Variants in PKHD1 observed in about 807,000 individuals in gnomAD.
PKHD1 encodes fibrocystin.
In PKHD1, 291 loss-of-function variants were observed where a neutral mutation model predicts 412.0. The observed-to-expected ratio is 0.71, with a 90% CI of 0.64 to 0.78. PKHD1 has a LOEUF of 0.78. Ranked by LOEUF, PKHD1 falls within the 30% of genes least tolerant of loss-of-function variation. PKHD1 has a pLI of 0.00. For missense variants in PKHD1, 4,825 were observed against 4,950.7 expected (o/e 0.97, Z 0.76); for synonymous variants, 1,777 against 1,821.5 (o/e 0.98, Z 0.62).
In PKHD1 at chr6:51,868,009, C is replaced by A. The variant is rs12210295; in HGVS notation, c.7587G>T (p.Gly2529=). 2.5e-6 allele frequency: 4 copies of A among 1,612,648 alleles called. No individual in the cohort carries two copies. Among genetic ancestry groups the A allele is most frequent in the Non-Finnish European group, 3.4e-6 (4 of 1,179,032 alleles). ...GACTTCTGTTTTTCCCAGACAGAGA[C>A]CCATCCAAGTCTTCCAAAATTGCTG... ...PHAAILEDLD[G]SLSGKNRSHI... is the part of the protein sequence containing the mutation. The change falls in exon 48 of 67, where the codon GGG becomes GGT. Residue 2529 remains glycine, a synonymous_variant. Transcript: ENST00000371117.
intron 60 of PKHD1, among the ~76,000 whole-genome samples, chr6:51,671,780 G>T (rs1434960959): frequency 6.6e-6 from 1 of 152,132 alleles, no homozygotes; most frequent in African/African-American, 2.4e-5. Flanking sequence ...AGGACCCTCA[G>T]CTGCAGGTCT....
At chr6:51,660,977 G>T (rs1366142109) in intron 60 of PKHD1, among the ~76,000 whole-genome samples, 1 of 152,236 alleles carries the variant, frequency 6.6e-6, no homozygotes, top group Non-Finnish European at 1.5e-5. Flanking sequence ...TCACGTGATT[G>T]GTTCCCCTGG....
In PKHD1 at chr6:51,959,903, T is replaced by TA; in HGVS notation, c.5874dup (p.Asn1959Ter). The TA allele has an allele frequency of 6.2e-7, 1 of 1,613,554 alleles. No individual in the cohort carries two copies. Among genetic ancestry groups the TA allele is most frequent in the Non-Finnish European group, 8.5e-7 (1 of 1,179,596 alleles). On this transcript the variant is annotated frameshift_variant, in exon 36 of 67. Transcript: ENST00000371117. LOFTEE classifies it high-confidence loss of function. ...TGCAGTAAGTTGAGGATGCTTGTGT[T>TA]AGTGTCCAGCAGAAGCAATTGGCCA...
In PKHD1 at chr6:52,045,051, G is replaced by A. The variant is rs771116769; in HGVS notation, c.2630C>T (p.Ala877Val). The A allele has an allele frequency of 5.6e-6, 9 of 1,612,882 alleles. No homozygotes were observed. Among genetic ancestry groups the A allele is most frequent in the East Asian group, 2.2e-5 (1 of 44,860 alleles). ...ACCATCATATACCACACGCGTGGCT[G>A]CAGCAGGATTCACTCCAGTAAGGTT... Reference protein sequence around the residue: ...DENLTGVNPAAATRVVYDGGV... With the variant: ...DENLTGVNPAVATRVVYDGGV... The change falls in exon 25 of 67, where the codon GCA (alanine) becomes GTA (valine). Residue 877 changes from alanine to valine, a missense_variant. Physicochemically the swap from Ala to Val is moderately conservative, Grantham distance 64. Coordinates refer to ENST00000371117, the MANE Select transcript of PKHD1 (RefSeq NM_138694.4).
intron 63 of PKHD1, among the ~76,000 whole-genome samples, chr6:51,646,000 G>A (rs1770037062): frequency 6.6e-6 from 1 of 151,986 alleles, no homozygotes; most frequent in Non-Finnish European, 1.5e-5. Context: ...TGAATTCTTG[G>A]GACACTTTTT....
chr6:51,765,746 T>C (rs1474774112), intron 55 of PKHD1, among the ~76,000 whole-genome samples: 1 of 152,142 alleles, frequency 6.6e-6, no homozygotes, highest in Admixed American at 6.6e-5. Context: ...TCAACTAAGA[T>C]CTGAGCTCCC....
chr6:51,721,342 A>G, intron 60 of PKHD1: 1 of 609,066 alleles, frequency 1.6e-6, no homozygotes, highest in Non-Finnish European at 2.0e-6. Context: ...TATTAGTATT[A>G]GTATATTATT....
At chr6:52,073,357 A>G in intron 7 of PKHD1, 106 bp downstream of exon 7, 1 of 816,570 alleles carries the variant, frequency 1.2e-6, no homozygotes, top group Non-Finnish European at 2.2e-6. Context: ...GAAAATAGCA[A>G]TTCTGTGCCA....
chr6:51,768,311 G>T (rs1789483423), intron 55 of PKHD1, among the ~76,000 whole-genome samples: 1 of 151,974 alleles, frequency 6.6e-6, no homozygotes, highest in Non-Finnish European at 1.5e-5. Flanking sequence ...TTAGACCTGT[G>T]ATTCAAGTTG....
At chr6:51,893,559 T>C (rs771841074) in intron 43 of PKHD1, among the ~76,000 whole-genome samples, 2 of 152,210 alleles carry the variant, frequency 1.3e-5, no homozygotes, top group Admixed American at 6.5e-5. Context: ...AAATGATTCA[T>C]GAGGAAAAAC....
intron 45 of PKHD1, among the ~76,000 whole-genome samples, chr6:51,885,560 G>C (rs1210557254): frequency 6.6e-6 from 1 of 152,090 alleles, no homozygotes; most frequent in African/African-American, 2.4e-5. Context: ...GAAGGAATAG[G>C]GAACCTCTGT....
In PKHD1 at chr6:51,906,331, A is replaced by G; in HGVS notation, c.6692T>C (p.Ile2231Thr). ...TLVGAMRESF[I>T]QGCTVRNSFS... Reference sequence around the variant, plus strand: ...GGAGTTCCTCACTGTGCAGCCCTGTATGAAAGACTCTGAATAGGAAAGAGT... The same window carrying G: ...GGAGTTCCTCACTGTGCAGCCCTGTGTGAAAGACTCTGAATAGGAAAGAGT... The change falls in exon 41 of 67, where the codon ATA (isoleucine) becomes ACA (threonine). Residue 2231 changes from isoleucine to threonine, a missense_variant. Physicochemically the swap from Ile to Thr is moderately conservative, Grantham distance 89. Coordinates refer to ENST00000371117, the MANE Select transcript of PKHD1 (RefSeq NM_138694.4). The G allele has an allele frequency of 1.2e-6, 2 of 1,611,524 alleles. No individual in the cohort carries two copies. The highest frequency in any genetic ancestry group is 1.7e-6 in the Non-Finnish European group (2 of 1,177,910).
chr6:52,086,902 G>A (rs1207796047), intron 1 of PKHD1, among the ~76,000 whole-genome samples: 1 of 152,182 alleles, frequency 6.6e-6, no homozygotes, highest in Admixed American at 6.5e-5. Context: ...TAGTCCAAAA[G>A]CATGAGATCT....
chr6:51,912,317 A>T, intron 38 of PKHD1, 49 bp downstream of exon 38: 1 of 1,167,642 alleles, frequency 8.6e-7, no homozygotes, highest in Non-Finnish European at 1.3e-6. Context: ...CAATACAGTT[A>T]AGATCTCATC....
intron 35 of PKHD1, among the ~76,000 whole-genome samples, chr6:51,980,186 C>G (rs1039557302): frequency 5.3e-5 from 8 of 152,122 alleles, no homozygotes; most frequent in African/African-American, 9.7e-5. Flanking sequence ...TCAGTGACAC[C>G]AAAATGCTTT....
chr6:51,845,346 A>G (rs1490172084), intron 50 of PKHD1, among the ~76,000 whole-genome samples: 1 of 152,228 alleles, frequency 6.6e-6, no homozygotes, highest in Non-Finnish European at 1.5e-5. Context: ...TCATACCATC[A>G]CTGTGACAGC....
chr6:51,654,177 T>G (rs1049557113), intron 61 of PKHD1, among the ~76,000 whole-genome samples: 1 of 152,158 alleles, frequency 6.6e-6, no homozygotes, highest in East Asian at 1.9e-4. Context: ...AATATAATCA[T>G]AAGTCGAAAC....
Position 52,025,029 on chromosome 6 carries a change from T to A in PKHD1, c.4781A>T (p.Glu1594Val), listed in dbSNP as rs1285408225. ...SLHGGSLLTIEGTGLRGQNTT... is the reference protein window; with the variant it reads ...SLHGGSLLTIVGTGLRGQNTT... ...GTTCTGTCCTCTCAGGCCTGTGCCC[T>A]CTATGGTCAAGAGGCTTCCACCATG... The change falls in exon 32 of 67, where the codon GAG becomes GTG. Residue 1594 changes from glutamate (E) to valine (V), a missense_variant. Coordinates refer to ENST00000371117, the MANE Select transcript of PKHD1 (RefSeq NM_138694.4). 3 of 1,614,142 alleles carry A rather than the reference T, an allele frequency of 1.9e-6. No individual in the cohort carries two copies. The highest frequency in any genetic ancestry group is 2.5e-6 in the Non-Finnish European group (3 of 1,180,000).
chr6:51,975,296 C>T (rs1303926754), intron 35 of PKHD1, among the ~76,000 whole-genome samples: 1 of 151,942 alleles, frequency 6.6e-6, no homozygotes, highest in African/African-American at 2.4e-5. Flanking sequence ...ATAAATTGGA[C>T]TTCATCAAAA....
Sources: gnomAD v4.1 joint callset for allele counts (sites outside exome capture counted in the v4.1 genomes callset) on GRCh38, gnomAD v4.1.1 for gene constraint, MANE v1.5 for transcripts, NCBI Gene and HGNC (gene_info 2026-07-23, HGNC 2026-07-21) for gene names.